GRIN2B: variants seen among roughly 807,000 people sequenced by gnomAD.
GRIN2B encodes the protein glutamate ionotropic receptor NMDA type subunit 2B.
In GRIN2B, 5 loss-of-function variants were observed where a neutral mutation model predicts 114.5. The observed-to-expected ratio is 0.04, with a 90% CI of 0.02 to 0.09. The LOEUF (loss-of-function observed/expected upper bound fraction) is 0.09. Among genes scored for constraint, GRIN2B ranks in the 10% least tolerant of loss-of-function variants. The pLI is 1.00. For missense variants in GRIN2B, 1,108 were observed against 1,943.5 expected (o/e 0.57, Z 8.08); for synonymous variants, 787 against 745.1 (o/e 1.06, Z -0.92).
chr12:13,938,024 T>C (rs1245884215), intron 2 of GRIN2B, among the ~76,000 whole-genome samples: 1 of 152,098 alleles, frequency 6.6e-6, no homozygotes, highest in Non-Finnish European at 1.5e-5. Flanking sequence ...TAAGAATGCA[T>C]TTTTTAGCCC....
chr12:13,749,806 C>A (rs1863451088), intron 4 of GRIN2B, among the ~76,000 whole-genome samples: 1 of 152,162 alleles, frequency 6.6e-6, no homozygotes. Flanking sequence ...TCTATAAACC[C>A]TGTTAGTCAA....
In GRIN2B at chr12:13,738,837, C is replaced by A. The variant is rs529724683; in HGVS notation, c.1010+14480G>T. Among the ~76,000 whole-genome samples, 553 of 152,272 alleles carry A rather than the reference C, an allele frequency of 3.6e-3. 4 individuals carry two copies. The highest frequency in any genetic ancestry group is 0.013 in the African/African-American group (524 of 41,542). On this transcript the variant is annotated intron_variant, in intron 4 of 13. Coordinates refer to ENST00000609686, the MANE Select transcript of GRIN2B (RefSeq NM_000834.5). ...ATACACGTCTGTTCCCGGGCCCTTA[C>A]CCTCTTCCAGTGCAGCTACATCAGA...
At chr12:13,964,436 G>A (rs1008063941) in intron 2 of GRIN2B, among the ~76,000 whole-genome samples, 9 of 152,126 alleles carry the variant, frequency 5.9e-5, no homozygotes, top group Non-Finnish European at 1.0e-4. Flanking sequence ...GAATCCATGC[G>A]GTGGGTTAAA....
intron 3 of GRIN2B, among the ~76,000 whole-genome samples, chr12:13,789,394 G>T (rs2136662989): frequency 6.6e-6 from 1 of 152,266 alleles, no homozygotes; most frequent in African/African-American, 2.4e-5. Context: ...TAAAGGACTT[G>T]GATGAGGGAA....
intron 10 of GRIN2B, among the ~76,000 whole-genome samples, chr12:13,598,554 C>A (rs942758090): frequency 1.3e-5 from 2 of 152,084 alleles, no homozygotes; most frequent in African/African-American, 4.8e-5. Flanking sequence ...TAGATGACAC[C>A]CTCAAAGCAG....
intron 3 of GRIN2B, among the ~76,000 whole-genome samples, chr12:13,812,716 T>C (rs1261071216): frequency 6.6e-6 from 1 of 151,884 alleles, no homozygotes; most frequent in Non-Finnish European, 1.5e-5. Context: ...ACTAAGAAAA[T>C]GAAAGGTAAG....
intron 2 of GRIN2B, among the ~76,000 whole-genome samples, chr12:13,934,843 T>C (rs1867099554): frequency 6.9e-6 from 1 of 144,068 alleles, no homozygotes; most frequent in Non-Finnish European, 1.5e-5. Flanking sequence ...TGTGTGCTCA[T>C]ACATCCTCAG....
chr12:13,564,736 A>C lies in GRIN2B; in HGVS notation c.2599-97T>G. The C allele has an allele frequency of 9.2e-7, 1 of 1,087,478 alleles. No individual in the cohort carries two copies. The highest frequency in any genetic ancestry group is 1.5e-5 in the African/African-American group (1 of 65,276). The allele number at this position is 1,087,478 out of a possible 1,614,324, so 67.4% of individuals were successfully genotyped here. A position where few individuals can be genotyped will look rare whatever the true frequency, so the allele number is the denominator to read the frequency against. On this transcript the variant is annotated intron_variant, in intron 13 of 13. Transcript: ENST00000609686. The surrounding 1 kb of genome is among the most constrained non-coding windows in gnomAD (Gnocchi z 4.8). ...CCAATAATTGCTCCAACTGGATAAG[A>C]AAAAGGGAAAGCATGAAGCGAATAG...
At chr12:13,974,187 G>A (rs1187369438) in intron 2 of GRIN2B, among the ~76,000 whole-genome samples, 1 of 152,194 alleles carries the variant, frequency 6.6e-6, no homozygotes, top group Non-Finnish European at 1.5e-5. Flanking sequence ...GCCTGGGCTA[G>A]GATCCAGGTT....
At chr12:13,584,274 T>C (rs1948889184) in intron 10 of GRIN2B, among the ~76,000 whole-genome samples, 1 of 152,202 alleles carries the variant, frequency 6.6e-6, no homozygotes. Flanking sequence ...TCACTAACTT[T>C]GGGCCAGACT....
chr12:13,756,936 C>G (rs963803021), intron 3 of GRIN2B, among the ~76,000 whole-genome samples: 1 of 152,198 alleles, frequency 6.6e-6, no homozygotes, highest in Non-Finnish European at 1.5e-5. Context: ...CTTGTAAAGA[C>G]ACTGCTAGCT....
chr12:13,862,256 CTG>C (rs1235749481), intron 3 of GRIN2B, among the ~76,000 whole-genome samples: 2 of 152,214 alleles, frequency 1.3e-5, no homozygotes, highest in Non-Finnish European at 2.9e-5. Context: ...AACTGCTGAA[CTG>C]TGTCTGTGCT....
rs988963796 is a variant in GRIN2B, at chr12:13,558,208, A to G, written c.*4575T>C. The G allele has an allele frequency of 5.3e-5, 8 of 152,212 alleles. No homozygotes were observed. Among genetic ancestry groups the G allele is most frequent in the Non-Finnish European group, 7.3e-5 (5 of 68,036 alleles). 9.4% of individuals were successfully genotyped at this position (152,212 alleles called of 1,614,324 possible). On this transcript the variant is annotated 3_prime_UTR_variant, in exon 14 of 14. Transcript: ENST00000609686. ...TTCCTATATGGCTTTGGGCTCAGAGAGCACATAAGGTATGGCCACAGTCCC... is the reference window on the plus strand; with the variant it reads ...TTCCTATATGGCTTTGGGCTCAGAGGGCACATAAGGTATGGCCACAGTCCC...
At chr12:13,657,469 C>T (rs17760842) in intron 5 of GRIN2B, among the ~76,000 whole-genome samples, 10,901 of 152,218 alleles carry the variant, frequency 0.072, 409 homozygotes, top group Non-Finnish European at 0.089. Flanking sequence ...AGAGAAGGAG[C>T]AGAGTTCATG....
intron 2 of GRIN2B, among the ~76,000 whole-genome samples, chr12:13,886,079 A>G (rs1297263935): frequency 6.6e-6 from 1 of 152,206 alleles, no homozygotes; most frequent in Non-Finnish European, 1.5e-5. Flanking sequence ...AACCCAATGC[A>G]CCAAGTACAC....
At chr12:13,859,059 C>G (rs558907457) in intron 3 of GRIN2B, among the ~76,000 whole-genome samples, 1 of 152,336 alleles carries the variant, frequency 6.6e-6, no homozygotes, top group African/African-American at 2.4e-5. Flanking sequence ...CTACCATGCA[C>G]TGGGTACATT....
At chr12:13,607,797 C>T (rs1035390041) in intron 10 of GRIN2B, among the ~76,000 whole-genome samples, 2 of 151,774 alleles carry the variant, frequency 1.3e-5, no homozygotes, top group African/African-American at 2.4e-5. Flanking sequence ...TTGTTGTAAG[C>T]GCAAGTCTCC....
intron 2 of GRIN2B, among the ~76,000 whole-genome samples, chr12:13,901,908 T>A (rs975887509): frequency 3.3e-5 from 5 of 152,156 alleles, no homozygotes; most frequent in African/African-American, 1.2e-4. Flanking sequence ...GTGAGAAATG[T>A]ATTTTTTATA....
At chr12:13,823,636 A>G (rs1343490408) in intron 3 of GRIN2B, among the ~76,000 whole-genome samples, 1 of 152,064 alleles carries the variant, frequency 6.6e-6, no homozygotes, top group African/African-American at 2.4e-5. Flanking sequence ...TTTCTCATCA[A>G]TATTCTATTT....
Sources: allele counts gnomAD v4.1 joint callset (sites outside exome capture counted in the v4.1 genomes callset), GRCh38; gene constraint gnomAD v4.1.1; non-coding constraint Gnocchi (gnomAD v3.1); transcripts MANE v1.5; gene names NCBI Gene and HGNC (gene_info 2026-07-23, HGNC 2026-07-21).